Variants in SP3 observed in about 807,000 individuals in gnomAD.
SP3 encodes the protein Sp3 transcription factor.
Under a neutral mutation model 70.3 loss-of-function variants are expected in SP3, and 10 were observed. The ratio of observed to expected loss-of-function variants is 0.14; its 90% CI spans 0.09 to 0.24. The LOEUF (loss-of-function observed/expected upper bound fraction) is 0.24, where lower values mean the gene tolerates loss of function less well. Among genes scored for constraint, SP3 ranks in the 10% least tolerant of loss-of-function variants. The probability of loss-of-function intolerance (pLI) is 1.00; values close to 1 mark genes in which losing one functional copy is unlikely to be tolerated. For missense variants in SP3, 825 were observed against 914.6 expected (o/e 0.90, Z 1.26); for synonymous variants, 402 against 333.5 (o/e 1.21, Z -2.24).
rs1162824548 is a variant in SP3 at position 173,965,270 on chromosome 2, G to A, written c.-99C>T. 3 of 1,380,452 alleles carry A rather than the reference G, an allele frequency of 2.2e-6. No individual in the cohort carries two copies. The highest frequency in any genetic ancestry group is 2.5e-5 in the East Asian group (1 of 39,694). The allele number at this position is 1,380,452 out of a possible 1,614,324, so 85.5% of individuals were successfully genotyped here. A position where few individuals can be genotyped will look rare whatever the true frequency, so the allele number is the denominator to read the frequency against. On this transcript the variant is annotated 5_prime_UTR_variant, in exon 1 of 7. Coordinates refer to ENST00000310015, the MANE Select transcript of SP3 (RefSeq NM_003111.5). ...GGAGAGGATGCGGGAAGCGGCGGCG[G>A]ACACGGCCGGAGCGGTCCGGGGATT...
intron 1 of SP3, chr2:173,964,795 G>A (rs1206431952): frequency 2.3e-6 from 1 of 444,144 alleles, no homozygotes; most frequent in African/African-American, 2.1e-5. Flanking sequence ...TCCTCCCCGC[G>A]CTGCCCCTGC....
intron 4 of SP3, among the ~76,000 whole-genome samples, chr2:173,929,115 G>A (rs1212936366): frequency 2.0e-5 from 3 of 152,170 alleles, no homozygotes; most frequent in African/African-American, 7.2e-5. Flanking sequence ...CTTGATACAT[G>A]CTTCCAAGGT....
At chr2:173,946,304 C>T (rs1312598068) in intron 4 of SP3, among the ~76,000 whole-genome samples, 1 of 151,280 alleles carries the variant, frequency 6.6e-6, no homozygotes, top group African/African-American at 2.4e-5. Context: ...TCTAAGTTAC[C>T]AATATTACTG....
chr2:173,954,976 A>T lies in SP3; in HGVS notation c.1536T>A (p.Ser512Arg). Residue 512 changes from serine (S) to arginine (R), a missense_variant, in exon 4 of 7, where the codon AGT becomes AGA. By Grantham distance (110) the Ser-to-Arg change is moderately radical (BLOSUM62 -1). Transcript: ENST00000310015. ...AGGAFTSTPV[S>R]LSTGQLPNLQ... The stretch of plus-strand genomic sequence containing the variant: ...GATTTGGCAACTGACCAGTGCTTAG[A>T]CTAACTGGAGTTGAAGTGAAGGCTC... 6.2e-7 allele frequency: 1 copy of T among 1,614,194 alleles called. No homozygotes were observed. Among genetic ancestry groups the T allele is most frequent in the Non-Finnish European group, 8.5e-7 (1 of 1,180,014 alleles).
chr2:173,947,767 A>C (rs1427646871), intron 4 of SP3, among the ~76,000 whole-genome samples: 3 of 152,186 alleles, frequency 2.0e-5, no homozygotes, highest in Non-Finnish European at 4.4e-5. Context: ...TTAGGTTTGC[A>C]GGATCATCTT....
chr2:173,964,961 G>A (rs1380795249), intron 1 of SP3: 3 of 627,648 alleles, frequency 4.8e-6, no homozygotes, highest in African/African-American at 2.0e-5. Context: ...GCCTGGCGGG[G>A]AGACGGCGTT....
rs1312533337 is a variant in SP3 at position 173,903,251 on chromosome 2, A to G, written c.*6690T>C. ...GCATTATGGAAAGTGGTTTACATGCATTAACTTATTTATCTCCATAATCAC... is the reference window on the plus strand; with the variant it reads ...GCATTATGGAAAGTGGTTTACATGCGTTAACTTATTTATCTCCATAATCAC... On this transcript the variant is annotated 3_prime_UTR_variant, in exon 7 of 7. Coordinates refer to ENST00000310015, the MANE Select transcript of SP3 (RefSeq NM_003111.5). 1.3e-5 allele frequency among the ~76,000 whole-genome samples: 2 copies of G among 152,186 alleles called. No homozygotes were observed. Among genetic ancestry groups the G allele is most frequent in the Non-Finnish European group, 2.9e-5 (2 of 68,038 alleles).
intron 1 of SP3, chr2:173,964,755 C>G (rs1691232634): frequency 2.7e-6 from 1 of 377,160 alleles, no homozygotes; most frequent in Non-Finnish European, 4.7e-6. Context: ...GCCTGTAACC[C>G]TCCTCCTCCT....
intron 4 of SP3, among the ~76,000 whole-genome samples, chr2:173,923,527 G>A (rs1203905785): frequency 6.6e-6 from 1 of 152,000 alleles, no homozygotes; most frequent in Non-Finnish European, 1.5e-5. Context: ...TATCAATAGA[G>A]CTAACAGAAC....
chr2:173,937,014 ATTG>A (rs1020020886), intron 4 of SP3, among the ~76,000 whole-genome samples: 9 of 150,718 alleles, frequency 6.0e-5, no homozygotes, highest in East Asian at 1.9e-4. Context: ...ACTGATTTAT[ATTG>A]TTGATTACTA....
At chr2:173,940,880 A>C (rs371500151) in intron 4 of SP3, among the ~76,000 whole-genome samples, 1 of 152,098 alleles carries the variant, frequency 6.6e-6, no homozygotes, top group Non-Finnish European at 1.5e-5. Flanking sequence ...TCCAATCAAC[A>C]TATCTGTATC....
At chr2:173,910,724 A>G (rs758541893) in intron 6 of SP3, among the ~76,000 whole-genome samples, 22 of 152,222 alleles carry the variant, frequency 1.4e-4, no homozygotes, top group Non-Finnish European at 7.4e-5. Flanking sequence ...TAGATTAAAG[A>G]AATGACACCA....
intron 4 of SP3, among the ~76,000 whole-genome samples, chr2:173,938,325 T>C (rs1297419556): frequency 6.6e-6 from 1 of 151,710 alleles, no homozygotes; most frequent in African/African-American, 2.4e-5. Flanking sequence ...GGCGTGGTGG[T>C]GGGCGCCTGT....
At chr2:173,944,062 A>G (rs1016182122) in intron 4 of SP3, among the ~76,000 whole-genome samples, 4 of 152,244 alleles carry the variant, frequency 2.6e-5, no homozygotes, top group South Asian at 2.1e-4. Context: ...CCACCATCAT[A>G]TATGTGGTTC....
At chr2:173,919,915 A>G (rs1163527809) in intron 4 of SP3, among the ~76,000 whole-genome samples, 1 of 152,194 alleles carries the variant, frequency 6.6e-6, no homozygotes, top group African/African-American at 2.4e-5. Context: ...AATTTACAGC[A>G]ATGTTATTTG....
At chr2:173,956,897 TTAC>T (rs1690912558) in intron 3 of SP3, among the ~76,000 whole-genome samples, 1 of 152,220 alleles carries the variant, frequency 6.6e-6, no homozygotes, top group Non-Finnish European at 1.5e-5. Flanking sequence ...GTGACTTTAC[TTAC>T]TAGTCTAAGT....
rs1047479941 is a variant in SP3, at chr2:173,959,391, T to C, written c.280-3159A>G. Among the ~76,000 whole-genome samples the C allele has an allele frequency of 3.3e-5, 5 of 150,290 alleles. No individual in the cohort carries two copies. In the East Asian group the frequency reaches 9.7e-4, roughly 29 times the overall value. On this transcript the variant is annotated intron_variant, in intron 3 of 6. Coordinates refer to ENST00000310015, the MANE Select transcript of SP3 (RefSeq NM_003111.5). ...TGAAAAATGTTTGATGTTAGACTAC[T>C]GGAAACACTACAGAAACAAAAGAAT...
intron 4 of SP3, among the ~76,000 whole-genome samples, chr2:173,938,022 G>C (rs1198481492): frequency 6.6e-6 from 1 of 152,136 alleles, no homozygotes; most frequent in Non-Finnish European, 1.5e-5. Context: ...ATGCACGTAA[G>C]ACTAAACCTA....
At chr2:173,961,935 G>GTTTTTT (rs536537799) in intron 3 of SP3, among the ~76,000 whole-genome samples, 25 of 80,988 alleles carry the variant, frequency 3.1e-4, no homozygotes, top group African/African-American at 1.2e-3. Context: ...TATGGTTTGG[G>GTTTTTT]TTTTTTTTTT....
Sources: allele counts gnomAD v4.1 joint callset (sites outside exome capture counted in the v4.1 genomes callset), GRCh38; gene constraint gnomAD v4.1.1; transcripts MANE v1.5; gene names NCBI Gene and HGNC (gene_info 2026-07-23, HGNC 2026-07-21).